The following RAB38 variants were observed in gnomAD, a reference collection of about 807,000 sequenced individuals.
RAB38 encodes RAB38, member RAS oncogene family.
In RAB38, 15 loss-of-function variants were observed where a neutral mutation model predicts 18.4. That is an observed-to-expected ratio of 0.82 (90% confidence interval 0.55 to 1.26). The LOEUF is 1.26. Ranked by LOEUF, RAB38 falls within the 50% of genes most tolerant of loss-of-function variation. The pLI, the probability that RAB38 is intolerant of heterozygous loss-of-function variation, is 0.00. For synonymous variants in RAB38, 101 were observed against 104.4 expected (o/e 0.97, Z 0.20); for missense variants, 294 against 267.4 (o/e 1.10, Z -0.69).
the RAB38 span, among the ~76,000 whole-genome samples, chr11:87,941,756 A>T: frequency 1.3e-5 from 2 of 152,308 alleles, no homozygotes; most frequent in Admixed American, 6.5e-5. Context: ...GCTTATCAAG[A>T]CCAACTAAAG....
At chr11:87,946,925 C>G in the RAB38 span, among the ~76,000 whole-genome samples, 1 of 139,278 alleles carries the variant, frequency 7.2e-6, no homozygotes, top group Non-Finnish European at 1.5e-5. Flanking sequence ...ATGGCTGGGT[C>G]AAATGGTATT....
At chr11:88,095,067 CCTTT>C in the RAB38 span, among the ~76,000 whole-genome samples, 1 of 151,936 alleles carries the variant, frequency 6.6e-6, no homozygotes, top group African/African-American at 2.4e-5. Flanking sequence ...CCAATAATCA[CCTTT>C]CTTTTTTCTT....
chr11:88,125,957 A>G (rs1325249174), intron 2 of RAB38, among the ~76,000 whole-genome samples: 1 of 152,198 alleles, frequency 6.6e-6, no homozygotes, highest in Non-Finnish European at 1.5e-5. Flanking sequence ...TCCCAGCACC[A>G]TTTATTAAAC....
the RAB38 span, among the ~76,000 whole-genome samples, chr11:87,850,688 T>TG: frequency 6.7e-6 from 1 of 150,238 alleles, no homozygotes; most frequent in Non-Finnish European, 1.5e-5. Context: ...AATTAGCTTT[T>TG]GGGGGGATCC....
the RAB38 span, among the ~76,000 whole-genome samples, chr11:87,824,257 T>C: frequency 6.6e-6 from 1 of 152,154 alleles, no homozygotes; most frequent in Non-Finnish European, 1.5e-5. Context: ...GTAAGAGAAA[T>C]TGGCCCACTA....
At chr11:88,060,481 T>C in the RAB38 span, among the ~76,000 whole-genome samples, 2 of 152,158 alleles carry the variant, frequency 1.3e-5, no homozygotes, top group Non-Finnish European at 1.5e-5. Flanking sequence ...GTTTATTTTA[T>C]ATAGGAGGAA....
In RAB38 at chr11:88,149,888, G is replaced by A. The variant is rs745901526; in HGVS notation, c.270C>T (p.Phe90=). The change falls in exon 2 of 3, where the codon TTC becomes TTT. Residue 90 remains phenylalanine, a synonymous_variant. Transcript: ENST00000243662. ...CAAATGTGGCTGGCCTGGTGACATC[G>A]AAGACAATAAATGCACCCATAGCTT... ...YREAMGAFIV[F]DVTRPATFEA... is the part of the protein sequence containing the mutation. The A allele has an allele frequency of 1.2e-5, 19 of 1,613,882 alleles. No homozygotes were observed. Among genetic ancestry groups the A allele is most frequent in the South Asian group, 5.5e-5 (5 of 91,054 alleles).
chr11:88,147,880 G>A (rs1004651423), intron 2 of RAB38, among the ~76,000 whole-genome samples: 1 of 151,912 alleles, frequency 6.6e-6, no homozygotes, highest in Non-Finnish European at 1.5e-5. Context: ...GTGACAGAGC[G>A]AGACTCTGTC....
the RAB38 span, among the ~76,000 whole-genome samples, chr11:87,936,598 A>G: frequency 6.6e-6 from 1 of 152,098 alleles, no homozygotes; most frequent in Admixed American, 6.6e-5. Context: ...AAGTTTTGAA[A>G]TTTGGGTAGA....
chr11:88,028,719 T>C, the RAB38 span, among the ~76,000 whole-genome samples: 5 of 152,108 alleles, frequency 3.3e-5, no homozygotes, highest in Non-Finnish European at 7.4e-5. Flanking sequence ...CCAAGAAATA[T>C]GGGACTATGT....
chr11:87,898,725 G>T, the RAB38 span, among the ~76,000 whole-genome samples: 2 of 151,684 alleles, frequency 1.3e-5, no homozygotes, highest in African/African-American at 4.8e-5. Context: ...AAGAACATCA[G>T]TTTCTCACTG....
chr11:88,019,366 G>A, the RAB38 span, among the ~76,000 whole-genome samples: 5 of 151,992 alleles, frequency 3.3e-5, no homozygotes, highest in African/African-American at 1.2e-4. Flanking sequence ...AGCTTTCTCT[G>A]TGAAATACAC....
chr11:88,029,664 C>T, the RAB38 span, among the ~76,000 whole-genome samples: 1 of 152,128 alleles, frequency 6.6e-6, no homozygotes, highest in African/African-American at 2.4e-5. Context: ...GGCATCAATT[C>T]AACAAGAAGA....
At chr11:88,042,143 A>G in the RAB38 span, among the ~76,000 whole-genome samples, 1 of 152,224 alleles carries the variant, frequency 6.6e-6, no homozygotes, top group Non-Finnish European at 1.5e-5. Flanking sequence ...CTCTGAAGAA[A>G]AAAAAAATAC....
chr11:87,805,062 CTG>C, the RAB38 span, among the ~76,000 whole-genome samples: 140 of 152,276 alleles, frequency 9.2e-4, no homozygotes, highest in African/African-American at 3.2e-3. Context: ...CATTTTGACT[CTG>C]TGTTCTAAGC....
chr11:87,939,375 T>TACAC, the RAB38 span, among the ~76,000 whole-genome samples: 6 of 102,104 alleles, frequency 5.9e-5, no homozygotes, highest in African/African-American at 1.5e-4. Flanking sequence ...AACACACACA[T>TACAC]ACATACACAC....
At chr11:87,862,227 C>G in the RAB38 span, among the ~76,000 whole-genome samples, 1 of 151,900 alleles carries the variant, frequency 6.6e-6, no homozygotes, top group Non-Finnish European at 1.5e-5. Flanking sequence ...CATTGCAGCC[C>G]TATTCACAAT....
the RAB38 span, among the ~76,000 whole-genome samples, chr11:87,955,489 C>T: frequency 7.2e-5 from 11 of 152,218 alleles, no homozygotes; most frequent in African/African-American, 2.6e-4. Context: ...TGCACATGTA[C>T]TTCCTGAATC....
the RAB38 span, among the ~76,000 whole-genome samples, chr11:88,036,522 C>T: frequency 6.6e-6 from 1 of 151,874 alleles, no homozygotes; most frequent in African/African-American, 2.4e-5. Context: ...ATGTCTATAC[C>T]AATGCCATCA....
Sources: allele counts gnomAD v4.1 joint callset (sites outside exome capture counted in the v4.1 genomes callset), GRCh38; gene constraint gnomAD v4.1.1; transcripts MANE v1.5; gene names NCBI Gene and HGNC (gene_info 2026-07-23, HGNC 2026-07-21).